The following NEK1 variants were observed in gnomAD, a reference collection of about 807,000 sequenced individuals.
NEK1 encodes NIMA related kinase 1.
In NEK1, 137 loss-of-function variants were observed where a neutral mutation model predicts 182.1. The ratio of observed to expected loss-of-function variants is 0.75; its 90% CI spans 0.65 to 0.87. NEK1 has a LOEUF of 0.87. Among genes scored for constraint, NEK1 ranks in the 40% least tolerant of loss-of-function variants. The pLI is 0.00. For missense variants in NEK1, 1,391 were observed against 1,494.4 expected, an observed-to-expected ratio of 0.93 and a Z score of 1.14; for synonymous variants, 513 against 492.2, an observed-to-expected ratio of 1.04 and a Z score of -0.56.
chr4:169,423,400 G>T (rs1735818426), intron 31 of NEK1, among the ~76,000 whole-genome samples: 1 of 152,072 alleles, frequency 6.6e-6, no homozygotes, highest in South Asian at 2.1e-4. Context: ...AGCATGCCTG[G>T]CCAAAATGAC....
intron 19 of NEK1, among the ~76,000 whole-genome samples, chr4:169,533,768 CA>C (rs1758030028): frequency 6.6e-6 from 1 of 152,146 alleles, no homozygotes; most frequent in Non-Finnish European, 1.5e-5. Flanking sequence ...ACATTACATG[CA>C]GAGGTTCTAA....
intron 18 of NEK1, among the ~76,000 whole-genome samples, chr4:169,542,176 C>T (rs573246256): frequency 9.1e-4 from 138 of 152,226 alleles, no homozygotes; most frequent in African/African-American, 2.9e-3. Context: ...CCCTAGCCCC[C>T]GACCGGCCCC....
At chr4:169,508,641 A>T (rs1753700072) in intron 20 of NEK1, 128 bp downstream of exon 20, 2 of 625,848 alleles carry the variant, frequency 3.2e-6, no homozygotes, top group Non-Finnish European at 5.0e-6. Context: ...TCAAAAATAT[A>T]TTAACAGGTC....
chr4:169,448,680 A>T (rs2149457571), intron 27 of NEK1, among the ~76,000 whole-genome samples: 1 of 152,294 alleles, frequency 6.6e-6, no homozygotes, highest in African/African-American at 2.4e-5. Context: ...AGAAGACTCA[A>T]CAGGAGTTCC....
intron 23 of NEK1, among the ~76,000 whole-genome samples, chr4:169,502,794 TAGA>T (rs1251981683): frequency 6.6e-6 from 1 of 152,098 alleles, no homozygotes; most frequent in Non-Finnish European, 1.5e-5. Flanking sequence ...AGCAAAAAGT[TAGA>T]AGGATTCCTC....
At chr4:169,415,464 T>C (rs1001221416) in intron 31 of NEK1, among the ~76,000 whole-genome samples, 4 of 152,230 alleles carry the variant, frequency 2.6e-5, no homozygotes, top group African/African-American at 9.6e-5. Flanking sequence ...GAATATGGCA[T>C]AGTTTATAAT....
chr4:169,514,897 CT>C (rs33998778), intron 19 of NEK1, among the ~76,000 whole-genome samples: 2 of 151,770 alleles, frequency 1.3e-5, no homozygotes, highest in Non-Finnish European at 2.9e-5. Flanking sequence ...ATATTTTGCT[CT>C]TTTTTTTCCT....
chr4:169,508,209 ATCAT>A, intron 21 of NEK1, 35 bp downstream of exon 21: 1 of 1,509,708 alleles, frequency 6.6e-7, no homozygotes, highest in Non-Finnish European at 9.0e-7. Flanking sequence ...CTACTATGAC[ATCAT>A]TCAATTTCTT....
intron 31 of NEK1, among the ~76,000 whole-genome samples, chr4:169,419,947 G>T (rs992241107): frequency 6.6e-6 from 1 of 152,188 alleles, no homozygotes; most frequent in African/African-American, 2.4e-5. Context: ...GGAACTGGAA[G>T]TTGCCCTGGG....
At chr4:169,510,035 C>A (rs1753925340) in intron 19 of NEK1, among the ~76,000 whole-genome samples, 1 of 152,126 alleles carries the variant, frequency 6.6e-6, no homozygotes, top group Non-Finnish European at 1.5e-5. Flanking sequence ...ATAATTCACA[C>A]ATTTTTAAAA....
chr4:169,472,358 G>C (rs1459902192), intron 26 of NEK1, among the ~76,000 whole-genome samples: 1 of 152,106 alleles, frequency 6.6e-6, no homozygotes, highest in Non-Finnish European at 1.5e-5. Context: ...TCACGGCACA[G>C]TCCTTCATGG....
At position 169,424,667 on chromosome 4, in the gene NEK1, T is replaced by C; in HGVS notation, c.3108A>G (p.Ser1036=). Residue 1036 remains serine (S), a synonymous_variant, in exon 31 of 36, where the codon TCA becomes TCG. Transcript: ENST00000507142. ...ATCGAAATGCAAAGGATTCTTCTGG[T>C]GAACACTGAACTGATTGAACTTGAG... The part of the protein sequence containing the change: ...LVPQVQSVQC[S]PEESFAFRSH... 6.2e-7 allele frequency: 1 copy of C among 1,613,824 alleles called. No individual in the cohort carries two copies. The highest frequency in any genetic ancestry group is 8.5e-7 in the Non-Finnish European group (1 of 1,179,802).
intron 32 of NEK1, among the ~76,000 whole-genome samples, chr4:169,406,223 C>T (rs1342866232): frequency 6.6e-6 from 1 of 152,042 alleles, no homozygotes; most frequent in East Asian, 1.9e-4. Flanking sequence ...TGTGTCCAAC[C>T]CACACTCCAG....
At chr4:169,499,537 C>G (rs1004915956) in intron 23 of NEK1, among the ~76,000 whole-genome samples, 2 of 152,116 alleles carry the variant, frequency 1.3e-5, no homozygotes, top group Non-Finnish European at 2.9e-5. Context: ...GTGGTTTTAT[C>G]TACCTTTGGT....
intron 5 of NEK1, among the ~76,000 whole-genome samples, chr4:169,591,179 T>C (rs1332200817): frequency 6.8e-6 from 1 of 147,714 alleles, no homozygotes; most frequent in Non-Finnish European, 1.5e-5. Context: ...AGGGTCTTGC[T>C]CTATCACCCA....
chr4:169,500,785 A>C (rs543843843), intron 23 of NEK1, among the ~76,000 whole-genome samples: 1 of 152,302 alleles, frequency 6.6e-6, no homozygotes, highest in East Asian at 1.9e-4. Context: ...AAAATAAAAG[A>C]ATGATACTTG....
rs150323352 is a variant in NEK1 at position 169,469,608 on chromosome 4, G to A, written c.2435-6213C>T. Among the ~76,000 whole-genome samples, 438 of 152,312 alleles carry A rather than the reference G, an allele frequency of 2.9e-3. 3 individuals are homozygous for A. The highest frequency in any genetic ancestry group is 4.9e-3 in the Non-Finnish European group (330 of 68,030). On this transcript the variant is annotated intron_variant, in intron 26 of 35. Coordinates refer to ENST00000507142, the MANE Select transcript of NEK1 (RefSeq NM_001199397.3). ...AATATACATTCTGTTAATTTGGGGT[G>A]GAGAGTTCTGTAGATGTCTATTAGG...
intron 11 of NEK1, among the ~76,000 whole-genome samples, chr4:169,578,800 G>C (rs1766125562): frequency 6.6e-6 from 1 of 152,050 alleles, no homozygotes; most frequent in Non-Finnish European, 1.5e-5. Context: ...AGTAATTTTT[G>C]TTGACAATAT....
rs762720121 is a variant in NEK1 at position 169,523,144 on chromosome 4, T to C, written c.1666-14292A>G. ...GACCTGGGCAGAAACTACTTTTTGATAGCTAAGGTTTTTACACTGCAACAT... is the reference window on the plus strand; with the variant it reads ...GACCTGGGCAGAAACTACTTTTTGACAGCTAAGGTTTTTACACTGCAACAT... On this transcript the variant is annotated intron_variant, in intron 19 of 35. Coordinates refer to ENST00000507142, the MANE Select transcript of NEK1 (RefSeq NM_001199397.3). 4.6e-5 allele frequency among the ~76,000 whole-genome samples: 7 copies of C among 152,230 alleles called. 1 individual carries two copies. The highest frequency in any genetic ancestry group is 1.0e-4 in the Non-Finnish European group (7 of 68,042).
Sources: allele counts gnomAD v4.1 joint callset (sites outside exome capture counted in the v4.1 genomes callset), GRCh38; gene constraint gnomAD v4.1.1; transcripts MANE v1.5; gene names NCBI Gene and HGNC (gene_info 2026-07-23, HGNC 2026-07-21).